Variants in DLGAP2 observed in about 807,000 individuals in gnomAD.
DLGAP2 encodes disks large-associated protein 2.
In DLGAP2, 26 loss-of-function variants were observed where a neutral mutation model predicts 100.3. The ratio of observed to expected loss-of-function variants is 0.26; its 90% confidence interval spans 0.19 to 0.36. The LOEUF (loss-of-function observed/expected upper bound fraction) is 0.36, where lower values mean the gene tolerates loss of function less well. Ranked by LOEUF, DLGAP2 falls within the 10% of genes least tolerant of loss-of-function variation. The probability of loss-of-function intolerance (pLI) is 1.00; values close to 1 mark genes in which losing one functional copy is unlikely to be tolerated. For synonymous variants in DLGAP2, 886 were observed against 630.1 expected (o/e 1.41, Z -6.08); for missense variants, 1,858 against 1,453.2 (o/e 1.28, Z -4.53).
At chr8:885,437 A>T (rs533823668) in intron 1 of DLGAP2, among the ~76,000 whole-genome samples, 1 of 152,058 alleles carries the variant, frequency 6.6e-6, no homozygotes, top group Non-Finnish European at 1.5e-5. Flanking sequence ...TATTGTTGGT[A>T]CAAAGGAAGG....
chr8:849,330 G>T (rs1233828813), intron 1 of DLGAP2, among the ~76,000 whole-genome samples: 1 of 152,242 alleles, frequency 6.6e-6, no homozygotes, highest in Non-Finnish European at 1.5e-5. Context: ...ACGAGCCGGT[G>T]TTTCTATGGA....
chr8:1,199,705 G>T (rs1343783631), intron 2 of DLGAP2, among the ~76,000 whole-genome samples: 1 of 152,108 alleles, frequency 6.6e-6, no homozygotes, highest in Non-Finnish European at 1.5e-5. Context: ...ATTTGCACTC[G>T]GTGGCTCTCA....
rs751684188 is a variant in DLGAP2 at position 1,676,521 on chromosome 8, C to A, written c.2203-12C>A. 1.3e-5 allele frequency: 21 copies of A among 1,611,220 alleles called. No homozygotes were observed. Among genetic ancestry groups the A allele is most frequent in the Non-Finnish European group, 1.6e-5 (19 of 1,178,782 alleles). ...TTTCAGTTCTAAAATAAGACGTTCTCTGTTGAATTAGGTGGAAACGGCCAC... is the reference window on the plus strand; with the variant it reads ...TTTCAGTTCTAAAATAAGACGTTCTATGTTGAATTAGGTGGAAACGGCCAC... On this transcript the variant is annotated splice_polypyrimidine_tract_variant and intron_variant, in intron 10 of 14. Coordinates refer to ENST00000637795, the MANE Select transcript of DLGAP2 (RefSeq NM_001346810.2).
chr8:1,353,087 AC>A (rs901078905), intron 3 of DLGAP2, among the ~76,000 whole-genome samples: 66 of 151,898 alleles, frequency 4.3e-4, no homozygotes, highest in African/African-American at 1.5e-3. Context: ...ACGACGAAGG[AC>A]CCCCCCGAGG....
At chr8:1,491,355 G>GCTCCCCCTGACCCCAGAGGCTTCGGGCCA in intron 3 of DLGAP2, among the ~76,000 whole-genome samples, 1 of 152,114 alleles carries the variant, frequency 6.6e-6, no homozygotes, top group South Asian at 2.1e-4. Context: ...GCTTCGGGCC[G>GCTCCCCCTGACCCCAGAGGCTTCGGGCCA]CTCCCCCTGA....
chr8:763,752 C>G (rs937762693), intron 1 of DLGAP2, among the ~76,000 whole-genome samples: 2 of 151,966 alleles, frequency 1.3e-5, no homozygotes, highest in Non-Finnish European at 2.9e-5. Context: ...AGGCACTGAA[C>G]ACACATGAGG....
At chr8:1,034,483 G>C (rs1233450463) in intron 2 of DLGAP2, among the ~76,000 whole-genome samples, 24 of 27,042 alleles carry the variant, frequency 8.9e-4, no homozygotes, top group Admixed American at 2.0e-3. Context: ...TGGGTTCACA[G>C]CCTCATCCCG....
intron 2 of DLGAP2, among the ~76,000 whole-genome samples, chr8:1,101,368 G>C (rs1445274763): frequency 1.3e-4 from 20 of 152,200 alleles, no homozygotes; most frequent in Admixed American, 1.3e-3. Context: ...CTGTTTATTA[G>C]AATTCCGCCA....
chr8:1,171,966 T>G (rs1047937413), intron 2 of DLGAP2, among the ~76,000 whole-genome samples: 4 of 152,210 alleles, frequency 2.6e-5, no homozygotes, highest in African/African-American at 9.6e-5. Flanking sequence ...TTGATGCAGT[T>G]TCTTCCTAGT....
chr8:1,162,092 T>C (rs1563222645), intron 2 of DLGAP2, among the ~76,000 whole-genome samples: 1 of 152,184 alleles, frequency 6.6e-6, no homozygotes, highest in East Asian at 1.9e-4. Context: ...TCTTATCTCA[T>C]TAATGCCCGT....
At chr8:1,343,649 G>A (rs1259288670) in intron 3 of DLGAP2, among the ~76,000 whole-genome samples, 3 of 151,988 alleles carry the variant, frequency 2.0e-5, no homozygotes, top group Non-Finnish European at 4.4e-5. Context: ...GTTTTTCCTT[G>A]ATAAAAACAG....
chr8:1,509,043 A>G (rs1800057770), intron 4 of DLGAP2, among the ~76,000 whole-genome samples: 1 of 152,192 alleles, frequency 6.6e-6, no homozygotes, highest in Admixed American at 6.5e-5. Context: ...ACAGAGAAGT[A>G]TAGACTAGGC....
chr8:811,665 C>T (rs1185860175), intron 1 of DLGAP2, among the ~76,000 whole-genome samples: 1 of 150,386 alleles, frequency 6.6e-6, no homozygotes, highest in Non-Finnish European at 1.5e-5. Context: ...GGGGGCCCTG[C>T]CAGGGCTCCT....
At chr8:1,668,293 A>G (rs956590569) in intron 8 of DLGAP2, 36 bp from the exon 9 acceptor site, 3 of 1,447,092 alleles carry the variant, frequency 2.1e-6, no homozygotes, top group South Asian at 1.5e-5. Context: ...ACGGGGAAGA[A>G]CACGCCTGTT....
chr8:1,700,367 T>C (rs1451368300), intron 14 of DLGAP2, among the ~76,000 whole-genome samples: 1 of 151,784 alleles, frequency 6.6e-6, no homozygotes, highest in Non-Finnish European at 1.5e-5. Context: ...GTCATGGCTC[T>C]GTCCAGAAGG....
chr8:1,494,962 G>A (rs1324972986), intron 3 of DLGAP2, among the ~76,000 whole-genome samples: 2 of 152,190 alleles, frequency 1.3e-5, no homozygotes, highest in African/African-American at 2.4e-5. Flanking sequence ...GAGTGGTAGG[G>A]TGTTAGAGTG....
At chr8:1,533,399 G>A (rs957281200) in intron 4 of DLGAP2, among the ~76,000 whole-genome samples, 4 of 151,720 alleles carry the variant, frequency 2.6e-5, no homozygotes, top group Non-Finnish European at 2.9e-5. Context: ...CGAGCTACTC[G>A]GCAGGCTGAG....
At chr8:1,234,272 C>T (rs932377279) in intron 2 of DLGAP2, among the ~76,000 whole-genome samples, 8 of 152,306 alleles carry the variant, frequency 5.3e-5, no homozygotes, top group East Asian at 1.9e-4. Flanking sequence ...CACGTCTCAC[C>T]GCTCTGGAGG....
intron 1 of DLGAP2, among the ~76,000 whole-genome samples, chr8:809,519 A>G (rs1332896298): frequency 6.7e-6 from 1 of 148,886 alleles, no homozygotes; most frequent in Admixed American, 6.7e-5. Flanking sequence ...TCAGCTTCCC[A>G]TTTACACAGC....
Sources: allele counts gnomAD v4.1 joint callset (sites outside exome capture counted in the v4.1 genomes callset), GRCh38; gene constraint gnomAD v4.1.1; transcripts MANE v1.5; gene names NCBI Gene and HGNC (gene_info 2026-07-23, HGNC 2026-07-21).